Variants in ANK3 observed in about 807,000 individuals in gnomAD.
ANK3 encodes the protein ankyrin-3.
Under a neutral mutation model 370.9 loss-of-function variants are expected in ANK3, and 57 were observed. That is an observed-to-expected ratio of 0.15 (90% CI 0.12 to 0.19). ANK3 has a LOEUF of 0.19. Ranked by LOEUF, ANK3 falls within the 10% of genes least tolerant of loss-of-function variation. The probability of loss-of-function intolerance (pLI) is 1.00; values close to 1 mark genes in which losing one functional copy is unlikely to be tolerated. For synonymous variants in ANK3, 1,929 were observed against 1,946.3 expected, an observed-to-expected ratio of 0.99 and a Z score of 0.23; for missense variants, 4,439 against 5,302.1, an observed-to-expected ratio of 0.84 and a Z score of 5.06.
intron 1 of ANK3, among the ~76,000 whole-genome samples, chr10:60,718,821 C>T (rs768959373): frequency 6.6e-6 from 1 of 152,042 alleles, no homozygotes; most frequent in Non-Finnish European, 1.5e-5. Flanking sequence ...CTCGTAAGAC[C>T]AAATGTACAA....
chr10:60,148,168 C>T lies in ANK3; in HGVS notation c.2615-9081G>A, dbSNP rs546177191. ...TCAGGTTTGAATGACAAAGTTTGCA[C>T]ACCTCTGAAAGAACAGCAAACTGCC... On this transcript the variant is annotated intron_variant, in intron 23 of 43. Transcript: ENST00000280772. 7.2e-5 allele frequency among the ~76,000 whole-genome samples: 11 copies of T among 152,158 alleles called. No individual in the cohort carries two copies. The South Asian group carries it at 1.9e-3, about 26-fold the overall frequency.
chr10:60,655,736 C>A (rs115311987), intron 1 of ANK3, among the ~76,000 whole-genome samples: 6,523 of 152,128 alleles, frequency 0.043, 180 homozygotes, highest in Middle Eastern at 0.075. Context: ...CCTTTACATT[C>A]ACTCACCATT....
Position 60,205,850 on chromosome 10 carries a change from C to A in ANK3, c.1235G>T (p.Arg412Leu). The change falls in exon 11 of 44, where the codon CGA becomes CTA. Residue 412 changes from arginine (R) to leucine (L), a missense_variant. Arg to Leu is a moderately radical substitution (Grantham distance 102). This residue lies in a region of ANK3 where 227 missense variants were observed against 377.6 expected (regional missense o/e 0.60). Coordinates refer to ENST00000280772, the MANE Select transcript of ANK3 (RefSeq NM_020987.5). ...CAGAAGGAGTTCCATTACTTTAATT[C>A]GATTCTTCTTGCAGGCAATATGAAG... ...TPLHIACKKN[R>L]IKVMELLLKH... The A allele has an allele frequency of 6.2e-7, 1 of 1,613,924 alleles. No individual in the cohort carries two copies. The highest frequency in any genetic ancestry group is 1.1e-5 in the South Asian group (1 of 91,060).
chr10:60,693,711 A>G (rs1032077170), intron 1 of ANK3, among the ~76,000 whole-genome samples: 1 of 152,236 alleles, frequency 6.6e-6, no homozygotes, highest in African/African-American at 2.4e-5. Context: ...AAGGAAAACT[A>G]ACAAACAGAA....
chr10:60,398,930 G>A (rs1316141728), intron 2 of ANK3, among the ~76,000 whole-genome samples: 1 of 152,142 alleles, frequency 6.6e-6, no homozygotes, highest in African/African-American at 2.4e-5. Context: ...AGGAAGTTCT[G>A]ATGCTTTATA....
intron 1 of ANK3, among the ~76,000 whole-genome samples, chr10:60,301,859 C>G (rs1448570100): frequency 6.6e-6 from 1 of 152,126 alleles, no homozygotes; most frequent in Non-Finnish European, 1.5e-5. Flanking sequence ...CCCTAAAGAA[C>G]CCATCATTAT....
At chr10:60,202,864 A>G in intron 12 of ANK3, 138 bp downstream of exon 12, 1 of 579,786 alleles carries the variant, frequency 1.7e-6, no homozygotes. Flanking sequence ...CTATGATTGC[A>G]CCACTGTATT....
At chr10:60,657,549 A>AT (rs2133368645) in intron 1 of ANK3, among the ~76,000 whole-genome samples, 1 of 152,058 alleles carries the variant, frequency 6.6e-6, no homozygotes, top group East Asian at 1.9e-4. Context: ...CTTGTTATTG[A>AT]TTTTAGTTTT....
intron 4 of ANK3, among the ~76,000 whole-genome samples, chr10:60,272,356 A>G (rs1049163119): frequency 6.6e-6 from 1 of 152,202 alleles, no homozygotes; most frequent in Non-Finnish European, 1.5e-5. Context: ...GCTTTTTCTC[A>G]TAGCTAAACT....
chr10:60,371,136 C>T (rs888696228), intron 1 of ANK3, among the ~76,000 whole-genome samples: 3 of 146,588 alleles, frequency 2.0e-5, no homozygotes, highest in Non-Finnish European at 3.0e-5. Flanking sequence ...ATCTGCCACA[C>T]TTCTCAGTTT....
intron 1 of ANK3, among the ~76,000 whole-genome samples, chr10:60,706,617 T>C (rs996929561): frequency 2.0e-5 from 3 of 152,206 alleles, no homozygotes; most frequent in African/African-American, 7.2e-5. Flanking sequence ...CTTTTTTGTG[T>C]TTCTTTCCTC....
intron 1 of ANK3, among the ~76,000 whole-genome samples, chr10:60,305,649 T>C (rs1235272957): frequency 6.6e-6 from 1 of 152,210 alleles, no homozygotes; most frequent in Non-Finnish European, 1.5e-5. Flanking sequence ...CTTTCTGTGG[T>C]GCTCTTGAGA....
At chr10:60,548,041 G>T (rs2077007653) in intron 2 of ANK3, among the ~76,000 whole-genome samples, 1 of 152,076 alleles carries the variant, frequency 6.6e-6, no homozygotes, top group African/African-American at 2.4e-5. Flanking sequence ...TCTGAGGACA[G>T]GTTCTCATCA....
At chr10:60,220,804 C>T (rs753454838) in intron 8 of ANK3, among the ~76,000 whole-genome samples, 16 of 152,268 alleles carry the variant, frequency 1.1e-4, no homozygotes, top group Non-Finnish European at 8.8e-5. Flanking sequence ...GGCTACATCA[C>T]GGGCCACCAG....
intron 1 of ANK3, among the ~76,000 whole-genome samples, chr10:60,649,306 C>CA (rs35961217): frequency 0.63 from 94,497 of 150,644 alleles, 29,702 homozygotes; most frequent in South Asian, 0.75. Flanking sequence ...ACTGTATTAT[C>CA]AAAAAAAAAT....
intron 1 of ANK3, among the ~76,000 whole-genome samples, chr10:60,690,404 C>T (rs970041693): frequency 1.3e-5 from 2 of 152,140 alleles, no homozygotes; most frequent in Admixed American, 1.3e-4. Context: ...GCTTTTCCAA[C>T]GGTCTTAGCA....
In ANK3 at chr10:60,082,724, C is replaced by T; in HGVS notation, c.4214G>A (p.Ser1405Asn). ...LPFSIKIRDTSQEPCGRLSFL... is the reference protein window; with the variant it reads ...LPFSIKIRDTNQEPCGRLSFL... The stretch of plus-strand genomic sequence containing the variant: ...AGACAGACGACCACAGGGCTCTTGG[C>T]TGGTGTCTCTAATCTAGAAGAATTT... Residue 1405 changes from serine (S) to asparagine (N), a missense_variant, in exon 34 of 44, where the codon AGC (serine) becomes AAC (asparagine). Coordinates refer to ENST00000280772, the MANE Select transcript of ANK3 (RefSeq NM_020987.5). The T allele has an allele frequency of 6.2e-7, 1 of 1,613,202 alleles. No individual in the cohort carries two copies. Among genetic ancestry groups the T allele is most frequent in the Non-Finnish European group, 8.5e-7 (1 of 1,179,774 alleles).
chr10:60,723,126 T>G (rs2079888325), intron 1 of ANK3, among the ~76,000 whole-genome samples: 1 of 152,238 alleles, frequency 6.6e-6, no homozygotes, highest in South Asian at 2.1e-4. Context: ...TTGAATTAAT[T>G]ACCTAATCAT....
At chr10:60,174,341 A>G (rs556513279) in intron 18 of ANK3, among the ~76,000 whole-genome samples, 67 of 152,262 alleles carry the variant, frequency 4.4e-4, no homozygotes, top group African/African-American at 1.5e-3. Flanking sequence ...CATATAGGAA[A>G]CTGACTTACA....
Sources: allele counts gnomAD v4.1 joint callset (sites outside exome capture counted in the v4.1 genomes callset), GRCh38; gene constraint gnomAD v4.1.1; regional missense constraint gnomAD v4.1.1; transcripts MANE v1.5; gene names NCBI Gene and HGNC (gene_info 2026-07-23, HGNC 2026-07-21).